SAMD5: variants seen among roughly 807,000 people sequenced by gnomAD.
The protein encoded by SAMD5 is sterile alpha motif domain containing 5.
Under a neutral mutation model 11.3 loss-of-function variants are expected in SAMD5, and 13 were observed. The ratio of observed to expected loss-of-function variants is 1.15; its 90% CI spans 0.75 to 1.83. The LOEUF (loss-of-function observed/expected upper bound fraction) is 1.83. SAMD5 is among the 40% of genes most tolerant of loss of function. The pLI, the probability that SAMD5 is intolerant of heterozygous loss-of-function variation, is 0.00. For missense variants in SAMD5, 255 were observed against 239.1 expected, an observed-to-expected ratio of 1.07 and a Z score of -0.44; for synonymous variants, 129 against 111.3, an observed-to-expected ratio of 1.16 and a Z score of -1.00.
rs575299104 is a variant in SAMD5, at chr6:147,567,817, C to G, written c.*3361C>G. ...AGGAAGGATAAAAAAGGCTACAGTA[C>G]CTGCTCATAGGAGTTCAGTAAATGT... On this transcript the variant is annotated 3_prime_UTR_variant, in exon 2 of 2. Transcript: ENST00000367474. 1.3e-4 allele frequency: 124 copies of G among 985,042 alleles called. No individual in the cohort carries two copies. Among genetic ancestry groups the G allele is most frequent in the Non-Finnish European group, 1.5e-4 (122 of 829,764 alleles). 61.0% of individuals were successfully genotyped at this position (985,042 alleles called of 1,614,324 possible). A position where few individuals can be genotyped will look rare whatever the true frequency, so the allele number is the denominator to read the frequency against.
chr6:147,579,618 T>C (rs939263301), intron 1 of SAMD5, among the ~76,000 whole-genome samples: 15 of 151,928 alleles, frequency 9.9e-5, no homozygotes, highest in Admixed American at 6.6e-4. Flanking sequence ...GGCATATGCC[T>C]GGTTAATTTT....
intron 1 of SAMD5, among the ~76,000 whole-genome samples, chr6:147,561,255 T>G (rs1041489400): frequency 8.5e-5 from 13 of 152,192 alleles, no homozygotes; most frequent in African/African-American, 3.1e-4. Context: ...GTGCCTGATC[T>G]CGGCTCACTG....
the SAMD5 span, among the ~76,000 whole-genome samples, chr6:147,916,457 A>T: frequency 9.2e-5 from 14 of 152,112 alleles, no homozygotes; most frequent in Non-Finnish European, 2.1e-4. Context: ...AACAGGTGTG[A>T]GATGGTATCT....
the SAMD5 span, among the ~76,000 whole-genome samples, chr6:147,935,342 G>A: frequency 5.9e-5 from 9 of 152,220 alleles, no homozygotes; most frequent in East Asian, 1.4e-3. Flanking sequence ...TAATAGATGC[G>A]ATGCTACATC....
chr6:147,517,810 G>C (rs1788194774), intron 1 of SAMD5, among the ~76,000 whole-genome samples: 1 of 151,432 alleles, frequency 6.6e-6, no homozygotes, highest in Non-Finnish European at 1.5e-5. Context: ...AGGCAGTTAA[G>C]AGTAATGACA....
chr6:147,627,698 A>C (rs1171132160), intron 1 of SAMD5, among the ~76,000 whole-genome samples: 2 of 152,160 alleles, frequency 1.3e-5, no homozygotes, highest in Admixed American at 6.5e-5. Flanking sequence ...TATGATGCCC[A>C]GTCTAGATTT....
the SAMD5 span, among the ~76,000 whole-genome samples, chr6:147,816,192 A>G: frequency 6.7e-6 from 1 of 148,442 alleles, no homozygotes; most frequent in Non-Finnish European, 1.5e-5. Flanking sequence ...AGGCAGGATA[A>G]TCGCTTGAAC....
intron 1 of SAMD5, among the ~76,000 whole-genome samples, chr6:147,723,684 C>A (rs983294459): frequency 1.3e-5 from 2 of 152,090 alleles, no homozygotes; most frequent in African/African-American, 2.4e-5. Context: ...TTTAAGAATT[C>A]ATAAAACATA....
chr6:147,609,075 C>A (rs1789743540), intron 1 of SAMD5, among the ~76,000 whole-genome samples: 1 of 152,092 alleles, frequency 6.6e-6, no homozygotes, highest in African/African-American at 2.4e-5. Context: ...TTTCAAGTTT[C>A]TTGTTCTGAG....
chr6:147,906,305 T>C, the SAMD5 span, among the ~76,000 whole-genome samples: 2 of 152,136 alleles, frequency 1.3e-5, no homozygotes, highest in Non-Finnish European at 2.9e-5. Context: ...TACGATGAAT[T>C]TTTACCTTGC....
At chr6:147,833,742 T>A in the SAMD5 span, among the ~76,000 whole-genome samples, 1 of 152,226 alleles carries the variant, frequency 6.6e-6, no homozygotes, top group South Asian at 2.1e-4. Flanking sequence ...TTTCTTCAAT[T>A]TGTGTCTAGC....
chr6:147,535,488 G>A (rs1788494908), intron 1 of SAMD5, among the ~76,000 whole-genome samples: 1 of 152,198 alleles, frequency 6.6e-6, no homozygotes, highest in South Asian at 2.1e-4. Context: ...GCTAACAACA[G>A]TGTACTATAG....
the SAMD5 span, among the ~76,000 whole-genome samples, chr6:147,823,750 C>T: frequency 3.3e-4 from 50 of 152,240 alleles, no homozygotes; most frequent in Non-Finnish European, 5.6e-4. Context: ...CTTCTTTTTC[C>T]ACCATGAGCA....
intron 1 of SAMD5, among the ~76,000 whole-genome samples, chr6:147,710,109 C>T (rs763453685): frequency 5.9e-5 from 9 of 152,252 alleles, no homozygotes; most frequent in Non-Finnish European, 1.2e-4. Flanking sequence ...CTCATGCCTC[C>T]GGGCCTTTGC....
intron 1 of SAMD5, among the ~76,000 whole-genome samples, chr6:147,708,318 G>A (rs1686323062): frequency 6.6e-6 from 1 of 151,910 alleles, no homozygotes; most frequent in East Asian, 1.9e-4. Flanking sequence ...GCCTGGAGCT[G>A]TTCCTTCCCT....
At chr6:147,934,167 T>C in the SAMD5 span, among the ~76,000 whole-genome samples, 1 of 152,250 alleles carries the variant, frequency 6.6e-6, no homozygotes, top group African/African-American at 2.4e-5. Flanking sequence ...AGACACTTCA[T>C]TGCAAACCTT....
At chr6:147,745,521 TCAG>T in the SAMD5 span, among the ~76,000 whole-genome samples, 1,754 of 152,320 alleles carry the variant, frequency 0.012, 33 homozygotes, top group African/African-American at 0.041. Context: ...TCTTTGCTCT[TCAG>T]CAGTCTGTTT....
intron 1 of SAMD5, among the ~76,000 whole-genome samples, chr6:147,667,613 T>G (rs1790741351): frequency 6.6e-6 from 1 of 152,214 alleles, no homozygotes; most frequent in African/African-American, 2.4e-5. Context: ...TCCTGATTAT[T>G]TTTATTATGA....
chr6:147,626,844 A>T (rs533145147), intron 1 of SAMD5, among the ~76,000 whole-genome samples: 13 of 148,984 alleles, frequency 8.7e-5, no homozygotes, highest in Non-Finnish European at 1.9e-4. Context: ...GTGAAGCCAT[A>T]TGAAGTACTT....
Sources: gnomAD v4.1 joint callset for allele counts (sites outside exome capture counted in the v4.1 genomes callset) on GRCh38, gnomAD v4.1.1 for gene constraint, MANE v1.5 for transcripts, NCBI Gene and HGNC (gene_info 2026-07-23, HGNC 2026-07-21) for gene names.